Variants in MBD6 observed in about 807,000 individuals in gnomAD.
MBD6 encodes methyl-CpG binding domain protein 6, also known as methyl-CpG-binding domain protein 6.
MBD6 carries 22 observed loss-of-function variants against 66.8 expected under a neutral mutation model. The ratio of observed to expected loss-of-function variants is 0.33; its 90% CI spans 0.24 to 0.47. The LOEUF (loss-of-function observed/expected upper bound fraction) is 0.47, where lower values mean the gene tolerates loss of function less well. Among genes scored for constraint, MBD6 ranks in the 20% least tolerant of loss-of-function variants. The pLI is 1.00. For missense variants in MBD6, 1,322 were observed against 1,286.9 expected (o/e 1.03, Z -0.42); for synonymous variants, 540 against 534.6 (o/e 1.01, Z -0.14).
At chr12:57,527,289 A>T in intron 7 of MBD6, 62 bp downstream of exon 7, 1 of 1,203,206 alleles carries the variant, frequency 8.3e-7, no homozygotes, top group African/African-American at 1.5e-5. Flanking sequence ...GGGAGCTGGG[A>T]ATCAAAAGCT....
At position 57,529,022 on chromosome 12, in the gene MBD6, T is replaced by C; in HGVS notation, c.2937+13T>C. On this transcript the variant is annotated intron_variant, in intron 12 of 12. Transcript: ENST00000355673. The stretch of plus-strand genomic sequence containing the variant: ...CCCTACAGCCCGAGTAAGTGTGTGT[T>C]TGGGTGGATGGGTGGATGGGTAGGG... 1 of 1,613,800 alleles carries C rather than the reference T, an allele frequency of 6.2e-7. No homozygotes were observed. The highest frequency in any genetic ancestry group is 8.5e-7 in the Non-Finnish European group (1 of 1,179,950).
chr12:57,524,882 C>A, intron 4 of MBD6, 60 bp downstream of exon 4: 1 of 1,610,832 alleles, frequency 6.2e-7, no homozygotes, highest in South Asian at 1.1e-5. Flanking sequence ...TAATGCAAAT[C>A]ACTGACTGAG....
At chr12:57,525,226 AG>A (rs1369446354) in intron 5 of MBD6, 111 bp downstream of exon 5, 3 of 1,490,780 alleles carry the variant, frequency 2.0e-6, no homozygotes, top group Non-Finnish European at 2.7e-6. Context: ...GTGGGTGGGG[AG>A]CTGCATGTTG....
In MBD6 at chr12:57,527,098, G is replaced by C. The variant is rs751754663; in HGVS notation, c.1953G>C (p.Glu651Asp). 15 of 1,595,848 alleles carry C rather than the reference G, an allele frequency of 9.4e-6. No individual in the cohort carries two copies. In the African/African-American group the frequency reaches 1.9e-4, roughly 20 times the overall value. Reference sequence around the variant, plus strand: ...AGGGAGCCGGGGGTCCAAGTGGGGAGCCATTTTCAGGCTTGGGAGACCTGT... The same window carrying C: ...AGGGAGCCGGGGGTCCAAGTGGGGACCCATTTTCAGGCTTGGGAGACCTGT... ...SAEGAGGPSG[E>D]PFSGLGDLSP... The change falls in exon 7 of 13, where the codon GAG becomes GAC. Residue 651 changes from glutamate (E) to aspartate (D), a missense_variant. Coordinates refer to ENST00000355673, the MANE Select transcript of MBD6 (RefSeq NM_052897.4).
At position 57,527,033 on chromosome 12, in the gene MBD6, G is replaced by A; in HGVS notation, c.1888G>A (p.Ala630Thr). 3.7e-6 allele frequency: 6 copies of A among 1,611,812 alleles called. No homozygotes were observed. The South Asian group carries it at 5.5e-5, about 15-fold the overall frequency. Reference sequence around the variant, plus strand: ...CCTTGCCTCTTTCCTGCCCCTGTTGGCTCTGGGCCCCACAGCTGGGGATGG... The same window carrying A: ...CCTTGCCTCTTTCCTGCCCCTGTTGACTCTGGGCCCCACAGCTGGGGATGG... ...NLLASFLPLL[A>T]LGPTAGDGEG... Residue 630 changes from alanine to threonine, a missense_variant, in exon 7 of 13, where the codon GCT becomes ACT. Ala to Thr is a moderately conservative substitution (Grantham distance 58). Coordinates refer to ENST00000355673, the MANE Select transcript of MBD6 (RefSeq NM_052897.4).
chr12:57,530,727 C>G, downstream of MBD6: 2 of 1,613,928 alleles, frequency 1.2e-6, no homozygotes, highest in Non-Finnish European at 1.7e-6. Context: ...TCAATGCTGG[C>G]AAAGTTCCCC....
intron 1 of MBD6, 106 bp downstream of exon 1, chr12:57,523,117 C>T (rs1454408945): frequency 2.7e-5 from 4 of 146,058 alleles, no homozygotes; most frequent in Admixed American, 2.7e-4. Context: ...CATCCCCACT[C>T]CCCCGCCCTC....
chr12:57,530,085 G>T lies in MBD6; in HGVS notation c.*851G>T, dbSNP rs1045493964. 8 of 152,520 alleles carry T rather than the reference G, an allele frequency of 5.2e-5. No homozygotes were observed. Among genetic ancestry groups the T allele is most frequent in the African/African-American group, 1.9e-4 (8 of 41,438 alleles). The allele number at this position is 152,520 out of a possible 1,614,324, so 9.4% of individuals were successfully genotyped here. ...TTCTGTTTTGTACTTGCCCTGTGGG[G>T]CCTCCACTGCTTTTCTATGGGAGAC... On this transcript the variant is annotated 3_prime_UTR_variant, in exon 13 of 13. Coordinates refer to ENST00000355673, the MANE Select transcript of MBD6 (RefSeq NM_052897.4).
At position 57,525,716 on chromosome 12, in the gene MBD6, GCCT is replaced by G. The variant is rs749592455; in HGVS notation, c.756_758del (p.Ser253del). 5 of 1,613,740 alleles carry G rather than the reference GCCT, an allele frequency of 3.1e-6. No homozygotes were observed. Among genetic ancestry groups the G allele is most frequent in the Middle Eastern group, 1.6e-4 (1 of 6,082 alleles). ...CCTGGGCTCTCCTCCGGCCCCTCAT[GCCT>G]CCTCCTCACCACCTTCAGACCCTCC... On this transcript the variant is annotated inframe_deletion, in exon 6 of 13. Coordinates refer to ENST00000355673, the MANE Select transcript of MBD6 (RefSeq NM_052897.4).
intron 7 of MBD6, 59 bp from the exon 8 acceptor site, chr12:57,527,448 A>C: frequency 6.3e-7 from 1 of 1,576,248 alleles, no homozygotes; most frequent in South Asian, 1.1e-5. Context: ...ATGTGAAAGC[A>C]CTATAAATCT....
At position 57,525,433 on chromosome 12, in the gene MBD6, T is replaced by C; in HGVS notation, c.465T>C (p.Thr155=). ...CTCCCTGTCGAGTTCCTCCTACAACTCCACTTAATGGGGGTCCTGGCTCCC... is the reference window on the plus strand; with the variant it reads ...CTCCCTGTCGAGTTCCTCCTACAACCCCACTTAATGGGGGTCCTGGCTCCC... ...ARPPCRVPPT[T]PLNGGPGSLP... is the part of the protein sequence containing the mutation. The change falls in exon 6 of 13, where the codon ACT becomes ACC. Residue 155 remains threonine (T), a synonymous_variant. Coordinates refer to ENST00000355673, the MANE Select transcript of MBD6 (RefSeq NM_052897.4). 1 of 1,484,084 alleles carries C rather than the reference T, an allele frequency of 6.7e-7. No homozygotes were observed. The allele number at this position is 1,484,084 out of a possible 1,614,324, so 91.9% of individuals were successfully genotyped here. A position where few individuals can be genotyped will look rare whatever the true frequency, so the allele number is the denominator to read the frequency against.
downstream of MBD6, among the ~76,000 whole-genome samples, chr12:57,531,023 CT>C (rs1454162925): frequency 6.6e-6 from 1 of 152,170 alleles, no homozygotes; most frequent in East Asian, 1.9e-4. Context: ...TTTTTAAAAT[CT>C]GTTTTATGTA....
In MBD6 at chr12:57,524,434, T is replaced by G; in HGVS notation, c.113+18T>G. ...TACATCAGGTACGGATCTTCACAGG[T>G]CCCCAAGCTCTGCCACTCCAGTTGC... On this transcript the variant is annotated intron_variant, in intron 3 of 12. Coordinates refer to ENST00000355673, the MANE Select transcript of MBD6 (RefSeq NM_052897.4). 6.4e-7 allele frequency: 1 copy of G among 1,552,016 alleles called. No homozygotes were observed. Among genetic ancestry groups the G allele is most frequent in the Non-Finnish European group, 8.7e-7 (1 of 1,149,110 alleles).
chr12:57,524,628 A>G (rs1437353417), intron 3 of MBD6, 92 bp from the exon 4 acceptor site: 4 of 1,226,940 alleles, frequency 3.3e-6, no homozygotes, highest in Admixed American at 1.8e-5. Context: ...CTGTTCTTCT[A>G]GGAGGATCTG....
At position 57,526,926 on chromosome 12, in the gene MBD6, G is replaced by A; in HGVS notation, c.1781G>A (p.Gly594Glu). 6.2e-7 allele frequency: 1 copy of A among 1,613,696 alleles called. No homozygotes were observed. The highest frequency in any genetic ancestry group is 8.5e-7 in the Non-Finnish European group (1 of 1,179,946). ...GPPLAPGEPE[G>E]PSLLVASLLP... ...CCCCTAGCCCCAGGAGAGCCTGAAG[G>A]GCCTTCGCTTTTGGTGGCTTCCTTG... The change falls in exon 7 of 13, where the codon GGG (glycine) becomes GAG (glutamate). Residue 594 changes from glycine (G) to glutamate (E), a missense_variant. Gly to Glu is a moderately conservative substitution (Grantham distance 98). Coordinates refer to ENST00000355673, the MANE Select transcript of MBD6 (RefSeq NM_052897.4).
rs759011021 is a variant in MBD6, at chr12:57,528,951, C to A, written c.2879C>A (p.Thr960Asn). The change falls in exon 12 of 13, where the codon ACC becomes AAC. Residue 960 changes from threonine to asparagine, a missense_variant. Thr to Asn is a moderately conservative substitution (Grantham distance 65). Transcript: ENST00000355673. ...RRGRRRKYNP[T>N]RNSNSSRQDI... The stretch of plus-strand genomic sequence containing the variant: ...ATCTGTGCCCCTTATTGCAGCCCTA[C>A]CCGGAACAGCAATAGCTCCCGCCAG... 1.2e-6 allele frequency: 2 copies of A among 1,614,036 alleles called. No homozygotes were observed. The highest frequency in any genetic ancestry group is 2.7e-5 in the African/African-American group (2 of 74,900).
In MBD6 at chr12:57,528,372, C is replaced by T; in HGVS notation, c.2632C>T (p.Arg878Ter). Residue 878 changes from arginine (R) to a stop codon, truncating the protein, a stop_gained, in exon 10 of 13, where the codon CGA becomes TGA. Coordinates refer to ENST00000355673, the MANE Select transcript of MBD6 (RefSeq NM_052897.4). LOFTEE classifies it high-confidence loss of function. ...INGEARPARG[R>*]KPGSRREPGR... ...TGGTGAGGCCAGGCCAGCCCGGGGC[C>T]GAAAGCCTGGCAGCCGGCGGGAGCC... 1 of 1,612,652 alleles carries T rather than the reference C, an allele frequency of 6.2e-7. No homozygotes were observed. Among genetic ancestry groups the T allele is most frequent in the Non-Finnish European group, 8.5e-7 (1 of 1,179,836 alleles).
At position 57,526,173 on chromosome 12, in the gene MBD6, C is replaced by T. The variant is rs767495885; in HGVS notation, c.1205C>T (p.Pro402Leu). Residue 402 changes from proline (P) to leucine (L), a missense_variant, in exon 6 of 13, where the codon CCG becomes CTG. Physicochemically the swap from Pro to Leu is moderately conservative, Grantham distance 98 (BLOSUM62 -3). Transcript: ENST00000355673. ...PAPVPQPFSL[P>L]EPSQPILPSV... ...CCTGTCCCCCAACCCTTTTCTCTCCCGGAGCCATCCCAACCAATTCTCCCT... is the reference window on the plus strand; with the variant it reads ...CCTGTCCCCCAACCCTTTTCTCTCCTGGAGCCATCCCAACCAATTCTCCCT... The T allele has an allele frequency of 1.2e-5, 19 of 1,614,032 alleles. No homozygotes were observed. The highest frequency in any genetic ancestry group is 7.7e-5 in the South Asian group (7 of 91,084).
chr12:57,531,529 CA>C (rs1373587328), downstream of MBD6, among the ~76,000 whole-genome samples: 1 of 152,020 alleles, frequency 6.6e-6, no homozygotes, highest in Non-Finnish European at 1.5e-5. Flanking sequence ...AAATAAAAAA[CA>C]ATAAGAAATT....
Sources: gnomAD v4.1 joint callset for allele counts (sites outside exome capture counted in the v4.1 genomes callset) on GRCh38, gnomAD v4.1.1 for gene constraint, MANE v1.5 for transcripts, NCBI Gene and HGNC (gene_info 2026-07-23, HGNC 2026-07-21) for gene names.